NR3C2: variants seen among roughly 807,000 people sequenced by gnomAD.
NR3C2 encodes mineralocorticoid receptor.
NR3C2 carries 15 observed loss-of-function variants against 86.4 expected under a neutral mutation model. The ratio of observed to expected loss-of-function variants is 0.17; its 90% CI spans 0.12 to 0.27. The LOEUF (loss-of-function observed/expected upper bound fraction) is 0.27. NR3C2 is among the 10% of genes least tolerant of loss of function. The pLI is 1.00. For missense variants in NR3C2, 960 were observed against 1,195.6 expected (o/e 0.80, Z 2.91); for synonymous variants, 458 against 450.5 (o/e 1.02, Z -0.21).
chr4:148,197,977 G>A (rs10034151), intron 3 of NR3C2, among the ~76,000 whole-genome samples: 5,582 of 152,026 alleles, frequency 0.037, 335 homozygotes, highest in African/African-American at 0.13. Context: ...GGTTGGGGCA[G>A]CTTTTTGGGC....
At chr4:148,136,191 G>C (rs1733335286) in intron 6 of NR3C2, among the ~76,000 whole-genome samples, 1 of 151,260 alleles carries the variant, frequency 6.6e-6, no homozygotes, top group Non-Finnish European at 1.5e-5. Flanking sequence ...TAATTTCAAA[G>C]GCAAGACAAT....
intron 3 of NR3C2, among the ~76,000 whole-genome samples, chr4:148,217,248 T>G (rs1737588342): frequency 6.6e-6 from 1 of 152,226 alleles, no homozygotes. Flanking sequence ...GAAGCTTCTG[T>G]TGACCTCCCT....
chr4:148,189,544 G>A (rs1389569295), intron 4 of NR3C2, among the ~76,000 whole-genome samples: 6 of 152,082 alleles, frequency 3.9e-5, no homozygotes, highest in Non-Finnish European at 4.4e-5. Flanking sequence ...TTAGGGTGAT[G>A]AATTAGGGAG....
chr4:148,130,838 T>G (rs77510266), intron 6 of NR3C2, among the ~76,000 whole-genome samples: 12 of 126,974 alleles, frequency 9.5e-5, no homozygotes, highest in East Asian at 8.3e-4. Context: ...TTTTTTTTTT[T>G]TTTGAGACAG....
chr4:148,385,583 A>G (rs1747220357), intron 2 of NR3C2, among the ~76,000 whole-genome samples: 1 of 152,184 alleles, frequency 6.6e-6, no homozygotes, highest in South Asian at 2.1e-4. Context: ...GAACACAAAG[A>G]TATATCTCCT....
chr4:148,436,149 A>G lies in NR3C2; in HGVS notation c.712T>C (p.Ser238Pro), dbSNP rs749025828. The change falls in exon 2 of 9, where the codon TCC becomes CCC. Residue 238 changes from serine (S) to proline (P), a missense_variant. Ser to Pro is a moderately conservative substitution (Grantham distance 74, BLOSUM62 -1). Coordinates refer to ENST00000358102, the MANE Select transcript of NR3C2 (RefSeq NM_000901.5). ...PITQGTPLTC[S>P]PNVENRGSRS... ...GAGCCTCGATTTTCAACATTAGGGG[A>G]GCATGTCAGAGGAGTTCCCTGGGTG... 4.3e-6 allele frequency: 7 copies of G among 1,614,086 alleles called. No homozygotes were observed. The highest frequency in any genetic ancestry group is 5.9e-6 in the Non-Finnish European group (7 of 1,180,012).
chr4:148,166,469 C>A (rs188602871), intron 4 of NR3C2, among the ~76,000 whole-genome samples: 1 of 152,190 alleles, frequency 6.6e-6, no homozygotes, highest in Non-Finnish European at 1.5e-5. Flanking sequence ...GGTATTCTGC[C>A]GCAGTGTAAA....
chr4:148,087,730 C>T (rs750089141), intron 8 of NR3C2, among the ~76,000 whole-genome samples: 8 of 152,174 alleles, frequency 5.3e-5, no homozygotes, highest in Non-Finnish European at 8.8e-5. Context: ...GGATTAAAGA[C>T]TTAAACATAA....
rs368248630 is a variant in NR3C2 at position 148,131,942 on chromosome 4, G to C, written c.2511-11654C>G. Among the ~76,000 whole-genome samples, 13 of 152,298 alleles carry C rather than the reference G, an allele frequency of 8.5e-5. No homozygotes were observed. In the South Asian group the frequency reaches 1.7e-3, roughly 19 times the overall value. On this transcript the variant is annotated intron_variant, in intron 6 of 8. Transcript: ENST00000358102. ...CATGTGACAATGTAAAAATCTAGAA[G>C]GGGCCTTGTTATATGGCAACTGTAA...
At chr4:148,232,413 A>G (rs1003907876) in intron 3 of NR3C2, among the ~76,000 whole-genome samples, 1 of 152,238 alleles carries the variant, frequency 6.6e-6, no homozygotes, top group Admixed American at 6.5e-5. Flanking sequence ...GCATGCAATA[A>G]TATTTTGAAA....
At chr4:148,395,040 T>G (rs1327687219) in intron 2 of NR3C2, among the ~76,000 whole-genome samples, 1 of 152,048 alleles carries the variant, frequency 6.6e-6, no homozygotes, top group African/African-American at 2.4e-5. Flanking sequence ...ATTCTCAAAG[T>G]TTTTAAAATG....
intron 2 of NR3C2, among the ~76,000 whole-genome samples, chr4:148,333,833 G>C (rs13117325): frequency 2.0e-5 from 3 of 151,972 alleles, no homozygotes; most frequent in Non-Finnish European, 4.4e-5. Flanking sequence ...GAATAAAAAA[G>C]CTGGAATTAG....
At chr4:148,117,892 C>T (rs1414779697) in intron 7 of NR3C2, among the ~76,000 whole-genome samples, 3 of 152,238 alleles carry the variant, frequency 2.0e-5, no homozygotes, top group African/African-American at 7.2e-5. Context: ...TGGGCACAGA[C>T]TGGATACTCC....
At chr4:148,196,408 A>C (rs1297557759) in intron 3 of NR3C2, among the ~76,000 whole-genome samples, 1 of 152,084 alleles carries the variant, frequency 6.6e-6, no homozygotes, top group Non-Finnish European at 1.5e-5. Flanking sequence ...CAGCTTATGT[A>C]TGTGATTTTA....
intron 2 of NR3C2, among the ~76,000 whole-genome samples, chr4:148,320,721 T>C (rs1290622902): frequency 3.3e-5 from 5 of 152,096 alleles, no homozygotes; most frequent in Non-Finnish European, 7.4e-5. Flanking sequence ...TTGGTGGTGA[T>C]ATCCCCTTTA....
chr4:148,227,808 G>T (rs1165817808), intron 3 of NR3C2, among the ~76,000 whole-genome samples: 1 of 152,116 alleles, frequency 6.6e-6, no homozygotes, highest in African/African-American at 2.4e-5. Flanking sequence ...ATGAGTTCTT[G>T]TGTCCTTTTG....
At chr4:148,183,781 G>A (rs1476104936) in intron 4 of NR3C2, among the ~76,000 whole-genome samples, 1 of 152,114 alleles carries the variant, frequency 6.6e-6, no homozygotes, top group Non-Finnish European at 1.5e-5. Flanking sequence ...CAAACTTTGT[G>A]CCCTGTACTG....
intron 4 of NR3C2, among the ~76,000 whole-genome samples, chr4:148,162,073 C>T (rs567502154): frequency 6.6e-6 from 1 of 152,156 alleles, no homozygotes; most frequent in Non-Finnish European, 1.5e-5. Context: ...TGGGAATCCA[C>T]CTGGAGTCAA....
chr4:148,198,584 A>G (rs1042586092), intron 3 of NR3C2, among the ~76,000 whole-genome samples: 4 of 152,202 alleles, frequency 2.6e-5, no homozygotes, highest in Non-Finnish European at 5.9e-5. Flanking sequence ...CAATGTTTCT[A>G]GCATTGGTAT....
Sources: allele counts gnomAD v4.1 joint callset (sites outside exome capture counted in the v4.1 genomes callset), GRCh38; gene constraint gnomAD v4.1.1; transcripts MANE v1.5; gene names NCBI Gene and HGNC (gene_info 2026-07-23, HGNC 2026-07-21).